Variants in SCAF8 observed in about 807,000 individuals in gnomAD.
The protein encoded by SCAF8 is SR-related CTD associated factor 8, also known as SR-related and CTD-associated factor 8.
SCAF8 carries 23 observed loss-of-function variants against 140.5 expected under a neutral mutation model. The ratio of observed to expected loss-of-function variants is 0.16; its 90% CI spans 0.12 to 0.23. The LOEUF (loss-of-function observed/expected upper bound fraction) is 0.23. Among genes scored for constraint, SCAF8 ranks in the 10% least tolerant of loss-of-function variants. SCAF8 has a pLI of 1.00. For synonymous variants in SCAF8, 575 were observed against 528.9 expected, an observed-to-expected ratio of 1.09 and a Z score of -1.20; for missense variants, 1,397 against 1,555.7, an observed-to-expected ratio of 0.90 and a Z score of 1.72.
intron 1 of SCAF8, among the ~76,000 whole-genome samples, chr6:154,770,406 T>A (rs982724827): frequency 1.3e-3 from 190 of 149,238 alleles, no homozygotes; most frequent in African/African-American, 4.7e-3. Flanking sequence ...TCTCTCTCTC[T>A]CTCTCTCTCT....
rs1343006003 is a variant in SCAF8 at position 154,733,466 on chromosome 6, C to T, written c.-435C>T. On this transcript the variant is annotated 5_prime_UTR_variant, in exon 1 of 20. Transcript: ENST00000367178. ...CCAGCGCTTCCTCCTCTGTCTTCGC[C>T]GAGCGGGGCTGGTTCCTGCGGCCCG... 3 of 1,368,672 alleles carry T rather than the reference C, an allele frequency of 2.2e-6. No homozygotes were observed. The highest frequency in any genetic ancestry group is 9.4e-7 in the Non-Finnish European group (1 of 1,063,388). 84.8% of individuals were successfully genotyped at this position (1,368,672 alleles called of 1,614,324 possible). A position where few individuals can be genotyped will look rare whatever the true frequency, so the allele number is the denominator to read the frequency against.
intron 1 of SCAF8, 80 bp from the exon 2 acceptor site, chr6:154,773,909 A>G (rs1776846486): frequency 1.1e-6 from 1 of 901,726 alleles, no homozygotes; most frequent in Non-Finnish European, 1.8e-6. Flanking sequence ...CATTGAGAAT[A>G]TAAAAATGAA....
Position 154,832,649 on chromosome 6 carries a change from A to G in SCAF8, c.3070A>G (p.Arg1024Gly). ...TTACCGGTTTCCTCCTATAGAAACC[A>G]GGGAAAGCATTAGTAGACCTCCCCC... ...RDYRFPPIET[R>G]ESISRPPPVD... Residue 1024 changes from arginine to glycine, a missense_variant, in exon 20 of 20, where the codon AGG becomes GGG. Around this residue, in one of 5 missense-constraint regions of SCAF8, gnomAD observed 930 missense variants for 874.6 expected, o/e 1.06. Transcript: ENST00000367178. 1 of 1,614,146 alleles carries G rather than the reference A, an allele frequency of 6.2e-7. No individual in the cohort carries two copies. Among genetic ancestry groups the G allele is most frequent in the South Asian group, 1.1e-5 (1 of 91,086 alleles).
intron 1 of SCAF8, among the ~76,000 whole-genome samples, chr6:154,735,289 C>G (rs948686242): frequency 4.6e-5 from 7 of 151,876 alleles, no homozygotes; most frequent in African/African-American, 1.7e-4. Flanking sequence ...TGTGACGGCC[C>G]AAATAGGACA....
intron 4 of SCAF8, among the ~76,000 whole-genome samples, chr6:154,791,640 G>GT (rs369220358): frequency 0.19 from 25,843 of 135,310 alleles, 2,484 homozygotes; most frequent in East Asian, 0.44. Flanking sequence ...AAGTTTTTTT[G>GT]TTTTTTTAAA....
At chr6:154,757,706 G>A (rs1253496496) in intron 1 of SCAF8, among the ~76,000 whole-genome samples, 1 of 152,140 alleles carries the variant, frequency 6.6e-6, no homozygotes, top group Non-Finnish European at 1.5e-5. Flanking sequence ...AGATAGGAGG[G>A]ATAGATGGAA....
chr6:154,794,783 GT>G lies in SCAF8; in HGVS notation c.476-225del, dbSNP rs1562449905. On this transcript the variant is annotated intron_variant, in intron 5 of 19. Coordinates refer to ENST00000367178, the MANE Select transcript of SCAF8 (RefSeq NM_014892.5). Reference sequence around the variant, plus strand: ...GTGGGGGGGGGGGGGTGTGGGGGGTGTGTGTGTGTGTGTGTGTGTGTGTGTG... The same window carrying G: ...GTGGGGGGGGGGGGGTGTGGGGGGTGGTGTGTGTGTGTGTGTGTGTGTGTG... Among the ~76,000 whole-genome samples the G allele has an allele frequency of 1.5e-3, 21 of 13,954 alleles. 1 individual carries two copies. Among genetic ancestry groups the G allele is most frequent in the East Asian group, 0.023 (2 of 86 alleles). The allele number at this position is 13,954 out of a possible 152,430, so 9.2% of individuals were successfully genotyped here. A position where few individuals can be genotyped will look rare whatever the true frequency, so the allele number is the denominator to read the frequency against.
Position 154,733,932 on chromosome 6 carries a change from T to C in SCAF8, c.30+2T>C. Reference sequence around the variant, plus strand: ...GCCGTGAAGACCTTCAATAGCGAGGTTGGTATGGCAGCCGGGTTCCCCTGC... The same window carrying C: ...GCCGTGAAGACCTTCAATAGCGAGGCTGGTATGGCAGCCGGGTTCCCCTGC... On this transcript the variant is annotated splice_donor_variant, in intron 1 of 19. Coordinates refer to ENST00000367178, the MANE Select transcript of SCAF8 (RefSeq NM_014892.5). LOFTEE classifies it high-confidence loss of function. The C allele has an allele frequency of 6.5e-7, 1 of 1,530,398 alleles. No homozygotes were observed. Among genetic ancestry groups the C allele is most frequent in the Non-Finnish European group, 8.7e-7 (1 of 1,145,322 alleles). 94.8% of individuals were successfully genotyped at this position (1,530,398 alleles called of 1,614,324 possible).
chr6:154,806,744 G>A (rs905387591), intron 9 of SCAF8, among the ~76,000 whole-genome samples: 1 of 152,186 alleles, frequency 6.6e-6, no homozygotes, highest in Non-Finnish European at 1.5e-5. Context: ...CTAGAATTAT[G>A]AGAATGGAAT....
intron 1 of SCAF8, among the ~76,000 whole-genome samples, chr6:154,770,227 G>A (rs1221217256): frequency 6.6e-6 from 1 of 151,964 alleles, no homozygotes; most frequent in East Asian, 1.9e-4. Context: ...GCCGAGGCGG[G>A]CAGATGACTT....
chr6:154,832,423 C>A lies in SCAF8; in HGVS notation c.2844C>A (p.Pro948=), dbSNP rs1298119441. The A allele has an allele frequency of 3.1e-6, 5 of 1,614,166 alleles. No homozygotes were observed. The highest frequency in any genetic ancestry group is 4.2e-6 in the Non-Finnish European group (5 of 1,180,024). The stretch of plus-strand genomic sequence containing the variant: ...CTTTAATACAGCCTGGAATTCCACC[C>A]CAACGGGGAATCCCACCCCCATCGG... ...RFPLIQPGIP[P]QRGIPPPSVL... The change falls in exon 20 of 20, where the codon CCC becomes CCA. Residue 948 remains proline (P), a synonymous_variant. Coordinates refer to ENST00000367178, the MANE Select transcript of SCAF8 (RefSeq NM_014892.5).
chr6:154,833,485 T>C lies in SCAF8; in HGVS notation c.*90T>C. 1 of 1,263,880 alleles carries C rather than the reference T, an allele frequency of 7.9e-7. No individual in the cohort carries two copies. The highest frequency in any genetic ancestry group is 1.1e-6 in the Non-Finnish European group (1 of 909,940). The allele number at this position is 1,263,880 out of a possible 1,614,324, so 78.3% of individuals were successfully genotyped here. A position where few individuals can be genotyped will look rare whatever the true frequency, so the allele number is the denominator to read the frequency against. Reference sequence around the variant, plus strand: ...TGACTGGACCATAGTTGTTCACTTTTGTCTGCCAGAATTAAGTTAATCTGA... The same window carrying C: ...TGACTGGACCATAGTTGTTCACTTTCGTCTGCCAGAATTAAGTTAATCTGA... On this transcript the variant is annotated 3_prime_UTR_variant, in exon 20 of 20. Transcript: ENST00000367178.
intron 10 of SCAF8, 142 bp downstream of exon 10, chr6:154,808,343 C>T: frequency 1.1e-6 from 1 of 875,042 alleles, no homozygotes; most frequent in East Asian, 2.6e-5. Context: ...TTAGGCCAAG[C>T]TTGTCCAAGG....
intron 3 of SCAF8, among the ~76,000 whole-genome samples, chr6:154,779,140 C>G (rs1480200150): frequency 6.6e-6 from 1 of 152,146 alleles, no homozygotes; most frequent in African/African-American, 2.4e-5. Flanking sequence ...TCAAGCTATT[C>G]TCTTGCCTCA....
At chr6:154,742,233 A>G (rs71573695) in intron 1 of SCAF8, among the ~76,000 whole-genome samples, 5,195 of 152,306 alleles carry the variant, frequency 0.034, 125 homozygotes, top group Middle Eastern at 0.082. Context: ...TTTATGCTCA[A>G]TAGTGAGCAT....
At chr6:154,774,127 T>C in intron 2 of SCAF8, 55 bp downstream of exon 2, 5 of 1,112,496 alleles carry the variant, frequency 4.5e-6, no homozygotes, top group Non-Finnish European at 6.8e-6. Context: ...TATTAATAGT[T>C]TGGATGGGGG....
At chr6:154,769,957 C>G (rs1201541092) in intron 1 of SCAF8, among the ~76,000 whole-genome samples, 2 of 152,088 alleles carry the variant, frequency 1.3e-5, no homozygotes, top group Non-Finnish European at 2.9e-5. Context: ...GGGAAATTGA[C>G]CTTTACTTTA....
Position 154,827,182 on chromosome 6 carries a change from G to A in SCAF8, c.2082G>A (p.Pro694=), listed in dbSNP as rs138400958. The A allele has an allele frequency of 7.0e-5, 112 of 1,598,218 alleles. 1 individual carries two copies. The highest frequency in any genetic ancestry group is 5.8e-4 in the South Asian group (51 of 87,754). The change falls in exon 18 of 20, where the codon CCG becomes CCA. Residue 694 remains proline (P), a synonymous_variant. Coordinates refer to ENST00000367178, the MANE Select transcript of SCAF8 (RefSeq NM_014892.5). ...NPSQPPPGFM[P]PPVPPPVVPP... is the part of the protein sequence containing the mutation. Reference sequence around the variant, plus strand: ...TTTTTTTCTGTCTAGGTTTCATGCCGCCTCCAGTTCCCCCACCTGTTGTGC... The same window carrying A: ...TTTTTTTCTGTCTAGGTTTCATGCCACCTCCAGTTCCCCCACCTGTTGTGC...
chr6:154,792,325 G>A (rs2114878473), intron 4 of SCAF8, among the ~76,000 whole-genome samples: 1 of 152,294 alleles, frequency 6.6e-6, no homozygotes. Flanking sequence ...TCTTACATGA[G>A]GAAATGCCCT....
Sources: allele counts gnomAD v4.1 joint callset (sites outside exome capture counted in the v4.1 genomes callset), GRCh38; gene constraint gnomAD v4.1.1; regional missense constraint gnomAD v4.1.1; transcripts MANE v1.5; gene names NCBI Gene and HGNC (gene_info 2026-07-23, HGNC 2026-07-21).